Variants in ABL1 observed in about 807,000 individuals in gnomAD.
ABL1 encodes tyrosine-protein kinase ABL1.
Under a neutral mutation model 94.7 loss-of-function variants are expected in ABL1, and 11 were observed. The ratio of observed to expected loss-of-function variants is 0.12; its 90% confidence interval spans 0.07 to 0.19. The LOEUF (loss-of-function observed/expected upper bound fraction) is 0.19. Among genes scored for constraint, ABL1 ranks in the 10% least tolerant of loss-of-function variants. The pLI is 1.00. For missense variants in ABL1, 1,082 were observed against 1,489.4 expected (o/e 0.73, Z 4.50); for synonymous variants, 656 against 622.4 (o/e 1.05, Z -0.80).
At chr9:130,868,900 G>A (rs1339166875) in intron 4 of ABL1, among the ~76,000 whole-genome samples, 1 of 152,114 alleles carries the variant, frequency 6.6e-6, no homozygotes, top group African/African-American at 2.4e-5. Flanking sequence ...GGGTGCAGTG[G>A]TTCATGCCTG....
intron 1 of ABL1, among the ~76,000 whole-genome samples, chr9:130,754,534 A>G (rs529686679): frequency 6.9e-6 from 1 of 144,840 alleles, no homozygotes; most frequent in East Asian, 2.1e-4. Flanking sequence ...AAAAAAATTT[A>G]CTATCATGTA....
At chr9:130,878,654 G>T in intron 8 of ABL1, 87 bp downstream of exon 8, 1 of 1,497,210 alleles carries the variant, frequency 6.7e-7, no homozygotes, top group Non-Finnish European at 9.1e-7. Context: ...AAAGTTGAAA[G>T]TTTTTCCATG....
intron 1 of ABL1, among the ~76,000 whole-genome samples, chr9:130,736,352 G>A (rs2791728): frequency 0.19 from 29,238 of 152,056 alleles, 3,470 homozygotes; most frequent in Middle Eastern, 0.39. Flanking sequence ...TAATACAGAG[G>A]TTGCCTTCAT....
intron 4 of ABL1, among the ~76,000 whole-genome samples, chr9:130,868,739 C>T (rs1189827758): frequency 6.6e-6 from 1 of 151,804 alleles, no homozygotes; most frequent in Non-Finnish European, 1.5e-5. Flanking sequence ...AGGCTGGTCT[C>T]GAACTCCTGG....
Position 130,886,271 on chromosome 9 carries a change from C to T in ABL1, c.*588C>T, listed in dbSNP as rs2133042447. 4.2e-6 allele frequency: 1 copy of T among 235,620 alleles called. No homozygotes were observed. The highest frequency in any genetic ancestry group is 8.4e-6 in the Non-Finnish European group (1 of 119,528). The allele number at this position is 235,620 out of a possible 1,614,324, so 14.6% of individuals were successfully genotyped here. On this transcript the variant is annotated 3_prime_UTR_variant, in exon 11 of 11. Transcript: ENST00000318560. The stretch of plus-strand genomic sequence containing the variant: ...CTCTGCTGCTGCCCGGGGTGGGGTG[C>T]ACTCGCCATTTCCTCACGTGCAGGA...
chr9:130,776,418 A>G (rs1832311445), intron 1 of ABL1, among the ~76,000 whole-genome samples: 1 of 152,206 alleles, frequency 6.6e-6, no homozygotes, highest in Non-Finnish European at 1.5e-5. Context: ...CAACATGGCG[A>G]AACCCCGTCT....
In ABL1 at chr9:130,721,100, C is replaced by T. The variant is rs374398663; in HGVS notation, c.136+6645C>T. ...CACTTGATAAATCAACACTGTAGGC[C>T]GGGCGCTGTGACTCACGCCTGTCAT... On this transcript the variant is annotated intron_variant, in intron 1 of 10. Coordinates refer to the ABL1 transcript ENST00000372348. Among the ~76,000 whole-genome samples the T allele has an allele frequency of 7.2e-5, 11 of 152,010 alleles. No homozygotes were observed. The East Asian group carries it at 1.2e-3, about 16-fold the overall frequency.
intron 1 of ABL1, among the ~76,000 whole-genome samples, chr9:130,734,429 A>C (rs1342543247): frequency 6.7e-6 from 1 of 149,624 alleles, no homozygotes; most frequent in Non-Finnish European, 1.5e-5. Context: ...GTTAGCCAGG[A>C]TGGTCTTGAT....
rs550617632 is a variant in ABL1, at chr9:130,824,721, G to C, written c.137-29343G>C. ...CTGCTTTGCTGTTTTGTTTTCAAGC[G>C]GCTGCATGGCCACTGAGCGAGCCCT... On this transcript the variant is annotated intron_variant, in intron 1 of 10. Transcript: ENST00000372348. 1.1e-4 allele frequency among the ~76,000 whole-genome samples: 17 copies of C among 152,242 alleles called. No homozygotes were observed. In the East Asian group the frequency reaches 3.3e-3, roughly 29 times the overall value.
Position 130,885,846 on chromosome 9 carries a change from T to A in ABL1, c.*163T>A. On this transcript the variant is annotated 3_prime_UTR_variant, in exon 11 of 11. Coordinates refer to ENST00000318560, the MANE Select transcript of ABL1 (RefSeq NM_005157.6). ...AGGGCCCTGTGGAGTCCAGCTCTAC[T>A]ACCTACGTTTGCACCGCCTGCCCTC... 1 of 923,004 alleles carries A rather than the reference T, an allele frequency of 1.1e-6. No homozygotes were observed. The allele number at this position is 923,004 out of a possible 1,614,324, so 57.2% of individuals were successfully genotyped here.
At chr9:130,849,699 G>A (rs977444596) in intron 1 of ABL1, among the ~76,000 whole-genome samples, 3 of 152,140 alleles carry the variant, frequency 2.0e-5, no homozygotes, top group Non-Finnish European at 1.5e-5. Context: ...TGTATTTTTA[G>A]TAGAGACGGG....
At chr9:130,789,525 T>TACACAC (rs59537102) in intron 1 of ABL1, among the ~76,000 whole-genome samples, 1 of 148,850 alleles carries the variant, frequency 6.7e-6, no homozygotes, top group African/African-American at 2.4e-5. Flanking sequence ...AAAAAGGACA[T>TACACAC]ACACACACAC....
chr9:130,713,295 C>G (rs897193254), exon 1 of ABL1, among the ~76,000 whole-genome samples: 1 of 152,168 alleles, frequency 6.6e-6, no homozygotes, highest in Non-Finnish European at 1.5e-5. Context: ...GGCGGCCGGG[C>G]CTCCTCTACA....
In ABL1 at chr9:130,885,886, TC is replaced by T. The variant is rs1831573819; in HGVS notation, c.*207del. On this transcript the variant is annotated 3_prime_UTR_variant, in exon 11 of 11. Coordinates refer to ENST00000318560, the MANE Select transcript of ABL1 (RefSeq NM_005157.6). ...CGCCTGCCCTCCCGCACCTTCCTCC[TC>T]CCCGCTCCGTCTCTGTCCTCGAATT... 3 of 638,320 alleles carry T rather than the reference TC, an allele frequency of 4.7e-6. No individual in the cohort carries two copies. Among genetic ancestry groups the T allele is most frequent in the African/African-American group, 3.7e-5 (2 of 54,492 alleles). 39.5% of individuals were successfully genotyped at this position (638,320 alleles called of 1,614,324 possible). A position where few individuals can be genotyped will look rare whatever the true frequency, so the allele number is the denominator to read the frequency against.
Position 130,807,668 on chromosome 9 carries a change from T to TTATATA in ABL1, c.137-46375_137-46370dup, listed in dbSNP as rs35665086. Reference sequence around the variant, plus strand: ...ATTATATTTTATACATTCCTTAATTTTATATATATATATATATATATATAT... The same window carrying TTATATA: ...ATTATATTTTATACATTCCTTAATTTTATATATATATATATATATATATATATATAT... On this transcript the variant is annotated intron_variant, in intron 1 of 10. Transcript: ENST00000372348. 3.8e-3 allele frequency among the ~76,000 whole-genome samples: 432 copies of TTATATA among 113,260 alleles called. 1 individual carries two copies. The highest frequency in any genetic ancestry group is 0.013 in the African/African-American group (412 of 31,206). The allele number at this position is 113,260 out of a possible 152,430, so 74.3% of individuals were successfully genotyped here.
chr9:130,843,479 T>A (rs767439963), intron 1 of ABL1, among the ~76,000 whole-genome samples: 3 of 152,136 alleles, frequency 2.0e-5, no homozygotes, highest in Non-Finnish European at 4.4e-5. Context: ...ACAAATGTCT[T>A]CAAGACATGC....
chr9:130,800,446 C>T (rs992503721), intron 1 of ABL1, among the ~76,000 whole-genome samples: 1 of 150,802 alleles, frequency 6.6e-6, no homozygotes, highest in Non-Finnish European at 1.5e-5. Flanking sequence ...ACCATGTGTT[C>T]CCCAAAAACC....
intron 1 of ABL1, among the ~76,000 whole-genome samples, chr9:130,750,729 C>T (rs1406263536): frequency 6.8e-6 from 1 of 146,434 alleles, no homozygotes; most frequent in East Asian, 2.1e-4. Flanking sequence ...TCACTGCAAC[C>T]TCTGCCTCCT....
intron 1 of ABL1, among the ~76,000 whole-genome samples, chr9:130,726,862 T>G (rs1939945429): frequency 6.6e-6 from 1 of 152,366 alleles, no homozygotes; most frequent in Non-Finnish European, 1.5e-5. Context: ...ACATAGGCAT[T>G]TAAAGCTGTG....
Sources: gnomAD v4.1 joint callset for allele counts (sites outside exome capture counted in the v4.1 genomes callset) on GRCh38, gnomAD v4.1.1 for gene constraint, MANE v1.5 for transcripts, NCBI Gene and HGNC (gene_info 2026-07-23, HGNC 2026-07-21) for gene names.